Variants in GRID2 observed in about 807,000 individuals in gnomAD.
GRID2 encodes glutamate ionotropic receptor delta type subunit 2.
In GRID2, 33 loss-of-function variants were observed where a neutral mutation model predicts 114.8. That is an observed-to-expected ratio of 0.29 (90% CI 0.22 to 0.38). The LOEUF (loss-of-function observed/expected upper bound fraction) is 0.38, where lower values mean the gene tolerates loss of function less well. Among genes scored for constraint, GRID2 ranks in the 10% least tolerant of loss-of-function variants. GRID2 has a pLI of 1.00. For missense variants in GRID2, 1,184 were observed against 1,257.7 expected, an observed-to-expected ratio of 0.94 and a Z score of 0.89; for synonymous variants, 505 against 449.9, an observed-to-expected ratio of 1.12 and a Z score of -1.55.
At chr4:92,676,853 C>T (rs1224856423) in intron 2 of GRID2, among the ~76,000 whole-genome samples, 1 of 152,042 alleles carries the variant, frequency 6.6e-6, no homozygotes, top group Non-Finnish European at 1.5e-5. Flanking sequence ...TCTCAATAAC[C>T]AAAAGGTGGA....
At chr4:92,418,229 C>G (rs561932178) in intron 1 of GRID2, among the ~76,000 whole-genome samples, 196 of 152,116 alleles carry the variant, frequency 1.3e-3, no homozygotes, top group Non-Finnish European at 1.7e-3. Flanking sequence ...TGAGCATGTC[C>G]CCACACTCTA....
At chr4:92,923,450 T>C (rs978275094) in intron 2 of GRID2, among the ~76,000 whole-genome samples, 2 of 152,174 alleles carry the variant, frequency 1.3e-5, no homozygotes, top group African/African-American at 4.8e-5. Context: ...ATCAGATTTT[T>C]CATAAAGATA....
chr4:92,423,834 T>C (rs1334762523), intron 1 of GRID2, among the ~76,000 whole-genome samples: 1 of 151,960 alleles, frequency 6.6e-6, no homozygotes, highest in African/African-American at 2.4e-5. Context: ...GAAGATGAGC[T>C]GCAGATTTTT....
At chr4:93,766,806 G>C (rs1195042733) in intron 14 of GRID2, among the ~76,000 whole-genome samples, 1 of 152,066 alleles carries the variant, frequency 6.6e-6, no homozygotes, top group South Asian at 2.1e-4. Context: ...TATTATTATG[G>C]TAAGAATTCT....
intron 7 of GRID2, among the ~76,000 whole-genome samples, chr4:93,232,009 G>A (rs1248911321): frequency 6.6e-6 from 1 of 152,138 alleles, no homozygotes; most frequent in Non-Finnish European, 1.5e-5. Context: ...GATATTTCAG[G>A]TGGTAGAATG....
At chr4:93,397,185 A>T (rs572240740) in intron 9 of GRID2, among the ~76,000 whole-genome samples, 72 of 152,114 alleles carry the variant, frequency 4.7e-4, no homozygotes, top group African/African-American at 1.6e-3. Flanking sequence ...CATTCAAGTG[A>T]GTGACCTATT....
At chr4:92,581,415 A>T (rs1728180802) in intron 1 of GRID2, among the ~76,000 whole-genome samples, 1 of 152,086 alleles carries the variant, frequency 6.6e-6, no homozygotes, top group Admixed American at 6.6e-5. Flanking sequence ...TCCTTAGGCA[A>T]GCACCCTACA....
intron 3 of GRID2, among the ~76,000 whole-genome samples, chr4:93,101,565 T>G (rs908081549): frequency 6.6e-6 from 1 of 152,040 alleles, no homozygotes; most frequent in South Asian, 2.1e-4. Context: ...ATTAAAAGCC[T>G]TTTTTGGGGT....
intron 9 of GRID2, among the ~76,000 whole-genome samples, chr4:93,420,587 A>C (rs2149364940): frequency 6.6e-6 from 1 of 152,258 alleles, no homozygotes; most frequent in African/African-American, 2.4e-5. Flanking sequence ...CAGTATTATT[A>C]GAAATCTGAT....
intron 14 of GRID2, among the ~76,000 whole-genome samples, chr4:93,698,211 C>T (rs539570114): frequency 7.2e-5 from 11 of 152,028 alleles, no homozygotes; most frequent in East Asian, 5.8e-4. Context: ...ATTCCAAATG[C>T]GTGTCTGTTT....
chr4:92,536,063 C>A (rs1362008960), intron 1 of GRID2, among the ~76,000 whole-genome samples: 1 of 152,148 alleles, frequency 6.6e-6, no homozygotes, highest in Admixed American at 6.5e-5. Context: ...TTGCAAAGAG[C>A]AAAAGAACAA....
intron 14 of GRID2, among the ~76,000 whole-genome samples, chr4:93,703,980 G>C (rs1425429260): frequency 6.6e-6 from 1 of 152,188 alleles, no homozygotes; most frequent in East Asian, 1.9e-4. Context: ...CTTTATAGCA[G>C]CATGATTTAT....
chr4:92,946,453 G>T (rs1026285274), intron 2 of GRID2, among the ~76,000 whole-genome samples: 1 of 151,750 alleles, frequency 6.6e-6, no homozygotes, highest in African/African-American at 2.4e-5. Flanking sequence ...ACTTTCTTCT[G>T]AAGTAGCTTA....
At chr4:93,636,915 A>G (rs867015237) in intron 14 of GRID2, among the ~76,000 whole-genome samples, 2 of 152,156 alleles carry the variant, frequency 1.3e-5, no homozygotes, top group Non-Finnish European at 2.9e-5. Context: ...CCAGTGTCCC[A>G]TCCCCTGCCC....
At chr4:92,657,697 CAGTTT>C (rs1391197581) in intron 2 of GRID2, among the ~76,000 whole-genome samples, 1 of 151,596 alleles carries the variant, frequency 6.6e-6, no homozygotes, top group Non-Finnish European at 1.5e-5. Context: ...TTGTTTTCCT[CAGTTT>C]AGTTATGCAG....
At chr4:92,514,709 C>A (rs966932771) in intron 1 of GRID2, among the ~76,000 whole-genome samples, 2 of 151,768 alleles carry the variant, frequency 1.3e-5, no homozygotes, top group Non-Finnish European at 2.9e-5. Context: ...CAGAAGTGGC[C>A]ACTGGTCATT....
At chr4:92,376,982 C>T (rs374293742) in intron 1 of GRID2, among the ~76,000 whole-genome samples, 5 of 152,276 alleles carry the variant, frequency 3.3e-5, no homozygotes, top group African/African-American at 1.2e-4. Context: ...CTGTGACAAC[C>T]TCTGAAAAGC....
intron 2 of GRID2, among the ~76,000 whole-genome samples, chr4:93,068,325 G>A (rs1439183879): frequency 6.6e-6 from 1 of 152,030 alleles, no homozygotes; most frequent in East Asian, 1.9e-4. Context: ...ACAAGTATGT[G>A]TAAAGTAAAG....
intron 8 of GRID2, among the ~76,000 whole-genome samples, chr4:93,303,629 C>A (rs1755102217): frequency 6.6e-6 from 1 of 152,194 alleles, no homozygotes; most frequent in African/African-American, 2.4e-5. Context: ...ATGCTCTGTT[C>A]TCTGATTCAT....
Sources: allele counts gnomAD v4.1 joint callset (sites outside exome capture counted in the v4.1 genomes callset), GRCh38; gene constraint gnomAD v4.1.1; transcripts MANE v1.5; gene names NCBI Gene and HGNC (gene_info 2026-07-23, HGNC 2026-07-21).